AFF3: variants seen among roughly 807,000 people sequenced by gnomAD.
AFF3 encodes the protein ALF transcription elongation factor 3, also known as AF4/FMR2 family member 3.
Under a neutral mutation model 129.7 loss-of-function variants are expected in AFF3, and 32 were observed. The ratio of observed to expected loss-of-function variants is 0.25; its 90% CI spans 0.19 to 0.33. AFF3 has a LOEUF of 0.33. AFF3 is among the 10% of genes least tolerant of loss of function. AFF3 has a pLI of 1.00. For missense variants in AFF3, 1,373 were observed against 1,592.0 expected, an observed-to-expected ratio of 0.86 and a Z score of 2.34; for synonymous variants, 644 against 635.4, an observed-to-expected ratio of 1.01 and a Z score of -0.20.
chr2:99,933,394 G>A (rs780544000), intron 7 of AFF3, among the ~76,000 whole-genome samples: 7 of 151,970 alleles, frequency 4.6e-5, no homozygotes, highest in Admixed American at 3.3e-4. Flanking sequence ...ATAGGTATAC[G>A]TGTGCTTTGG....
At chr2:99,954,604 T>C (rs1469367951) in intron 7 of AFF3, among the ~76,000 whole-genome samples, 3 of 152,134 alleles carry the variant, frequency 2.0e-5, no homozygotes, top group Non-Finnish European at 4.4e-5. Context: ...GATGAGTTCA[T>C]GTCCTTTGTA....
intron 7 of AFF3, among the ~76,000 whole-genome samples, chr2:99,872,369 G>A (rs1338053919): frequency 6.6e-6 from 1 of 151,946 alleles, no homozygotes; most frequent in African/African-American, 2.4e-5. Context: ...GAGTTTGGGG[G>A]AACAGATTTC....
At chr2:99,823,643 T>C (rs1687852349) in intron 8 of AFF3, among the ~76,000 whole-genome samples, 1 of 152,104 alleles carries the variant, frequency 6.6e-6, no homozygotes, top group South Asian at 2.1e-4. Flanking sequence ...CTTAAAAAAA[T>C]GAGTAGTCAT....
At chr2:100,078,284 T>C (rs533627200) in intron 4 of AFF3, among the ~76,000 whole-genome samples, 2 of 152,350 alleles carry the variant, frequency 1.3e-5, no homozygotes, top group African/African-American at 4.8e-5. Context: ...TGTAAGCGAA[T>C]ATACAGGTTT....
intron 2 of AFF3, among the ~76,000 whole-genome samples, chr2:100,118,416 T>A (rs1691811341): frequency 2.0e-5 from 3 of 152,152 alleles, no homozygotes; most frequent in African/African-American, 7.2e-5. Flanking sequence ...ACTTTCTAAT[T>A]ACCACTTCCC....
At chr2:99,610,870 T>C (rs571527973) in intron 13 of AFF3, among the ~76,000 whole-genome samples, 1 of 152,300 alleles carries the variant, frequency 6.6e-6, no homozygotes, top group South Asian at 2.1e-4. Context: ...ATGAATACTT[T>C]CTGGATAATT....
intron 4 of AFF3, among the ~76,000 whole-genome samples, chr2:100,068,576 T>C (rs557068508): frequency 4.6e-5 from 7 of 152,314 alleles, no homozygotes; most frequent in Non-Finnish European, 8.8e-5. Context: ...TGACTTATTC[T>C]GGATAGCTCC....
At chr2:100,056,117 A>T (rs1302702140) in intron 4 of AFF3, among the ~76,000 whole-genome samples, 1 of 147,634 alleles carries the variant, frequency 6.8e-6, no homozygotes, top group Non-Finnish European at 1.5e-5. Context: ...TGGTTATGGC[A>T]GCAAATATAA....
At chr2:99,860,058 G>A (rs750495260) in intron 7 of AFF3, among the ~76,000 whole-genome samples, 11 of 152,124 alleles carry the variant, frequency 7.2e-5, no homozygotes, top group East Asian at 1.9e-4. Flanking sequence ...CACACTCTCC[G>A]TTCCTCAAAG....
chr2:99,608,412 C>A lies in AFF3; in HGVS notation c.1185-6791G>T, dbSNP rs183204462. On this transcript the variant is annotated intron_variant, in intron 13 of 24. Coordinates refer to ENST00000672756, the MANE Select transcript of AFF3 (RefSeq NM_001386135.1). Reference sequence around the variant, plus strand: ...CCCTTACCACGTTAAGGATTGGAATCATCTAATTTATCCATGCAATGTATT... The same window carrying A: ...CCCTTACCACGTTAAGGATTGGAATAATCTAATTTATCCATGCAATGTATT... 7.0e-3 allele frequency among the ~76,000 whole-genome samples: 1,059 copies of A among 152,314 alleles called. 9 individuals carry two copies. Among genetic ancestry groups the A allele is most frequent in the Non-Finnish European group, 0.011 (764 of 68,032 alleles).
intron 20 of AFF3, among the ~76,000 whole-genome samples, chr2:99,561,753 T>C (rs1156582214): frequency 2.6e-5 from 4 of 152,232 alleles, no homozygotes; most frequent in Admixed American, 2.6e-4. Flanking sequence ...TATATATATC[T>C]ATGTGTCTGT....
chr2:99,595,874 G>A (rs964957750), intron 14 of AFF3, among the ~76,000 whole-genome samples: 3 of 152,214 alleles, frequency 2.0e-5, no homozygotes, highest in African/African-American at 7.2e-5. Flanking sequence ...CAGGGACCAT[G>A]GACATCTTGC....
intron 7 of AFF3, among the ~76,000 whole-genome samples, chr2:99,969,541 T>C (rs1248390188): frequency 6.6e-6 from 1 of 152,078 alleles, no homozygotes; most frequent in Non-Finnish European, 1.5e-5. Context: ...CAGGCTGGAG[T>C]GCAATGGCAC....
chr2:99,670,601 C>T (rs972266646), intron 12 of AFF3, among the ~76,000 whole-genome samples: 23 of 151,686 alleles, frequency 1.5e-4, no homozygotes, highest in African/African-American at 5.3e-4. Flanking sequence ...ATAGTTTGGT[C>T]TTGAAGAGAA....
At chr2:99,876,269 C>T (rs962171836) in intron 7 of AFF3, among the ~76,000 whole-genome samples, 21 of 152,300 alleles carry the variant, frequency 1.4e-4, no homozygotes, top group East Asian at 9.6e-4. Context: ...TTTATCCAAC[C>T]GCCTAGCTGA....
intron 4 of AFF3, among the ~76,000 whole-genome samples, chr2:100,077,792 C>A (rs780363795): frequency 5.3e-5 from 8 of 152,084 alleles, no homozygotes; most frequent in Non-Finnish European, 8.8e-5. Flanking sequence ...GGAAACCACT[C>A]AGCATCATAG....
chr2:99,811,909 C>A (rs987525925), intron 8 of AFF3, among the ~76,000 whole-genome samples: 1 of 152,222 alleles, frequency 6.6e-6, no homozygotes, highest in African/African-American at 2.4e-5. Context: ...AGCTACGTAC[C>A]TGAACACAGA....
intron 15 of AFF3, among the ~76,000 whole-genome samples, chr2:99,592,110 G>T (rs954318198): frequency 6.6e-6 from 1 of 152,080 alleles, no homozygotes; most frequent in African/African-American, 2.4e-5. Flanking sequence ...TAACAGGAGG[G>T]GTTAAAAACC....
chr2:99,636,710 G>A lies in AFF3; in HGVS notation c.1184+12916C>T, dbSNP rs917459356. ...CTGAGGGCCAGCAAGAGGACACGACGTGGCAGTGGGCCAGCCAGCCACAGC... is the reference window on the plus strand; with the variant it reads ...CTGAGGGCCAGCAAGAGGACACGACATGGCAGTGGGCCAGCCAGCCACAGC... On this transcript the variant is annotated intron_variant, in intron 13 of 24. Transcript: ENST00000672756. Among the ~76,000 whole-genome samples, 10 of 152,324 alleles carry A rather than the reference G, an allele frequency of 6.6e-5. No individual in the cohort carries two copies. In the Middle Eastern group the frequency reaches 0.01, roughly 155 times the overall value.
Sources: gnomAD v4.1 joint callset for allele counts (sites outside exome capture counted in the v4.1 genomes callset) on GRCh38, gnomAD v4.1.1 for gene constraint, MANE v1.5 for transcripts, NCBI Gene and HGNC (gene_info 2026-07-23, HGNC 2026-07-21) for gene names.